The following TENM4 variants were observed in gnomAD, a reference collection of about 807,000 sequenced individuals.
TENM4 encodes the protein teneurin-4.
Under a neutral mutation model 243.3 loss-of-function variants are expected in TENM4, and 82 were observed. The ratio of observed to expected loss-of-function variants is 0.34; its 90% CI spans 0.28 to 0.40. TENM4 has a LOEUF of 0.40. Among genes scored for constraint, TENM4 ranks in the 10% least tolerant of loss-of-function variants. The pLI is 1.00. For missense variants in TENM4, 3,138 were observed against 3,673.3 expected, an observed-to-expected ratio of 0.85 and a Z score of 3.77; for synonymous variants, 1,412 against 1,456.3, an observed-to-expected ratio of 0.97 and a Z score of 0.69.
At chr11:78,944,567 T>C (rs1310801268) in intron 6 of TENM4, among the ~76,000 whole-genome samples, 1 of 152,236 alleles carries the variant, frequency 6.6e-6, no homozygotes, top group East Asian at 1.9e-4. Flanking sequence ...TTATCATCTA[T>C]TTGAAGATCT....
chr11:78,863,077 A>T lies in TENM4; in HGVS notation c.1140T>A (p.Tyr380Ter). 1 of 1,534,844 alleles carries T rather than the reference A, an allele frequency of 6.5e-7. No homozygotes were observed. Among genetic ancestry groups the T allele is most frequent in the Non-Finnish European group, 8.8e-7 (1 of 1,134,538 alleles). Residue 380 changes from tyrosine (Y) to a stop codon, truncating the protein, a stop_gained, in exon 10 of 34, where the codon TAT becomes TAA. Coordinates refer to ENST00000278550, the MANE Select transcript of TENM4 (RefSeq NM_001098816.3). LOFTEE classifies it high-confidence loss of function. ...WHLQPMEGQMYEITEDTASSW... is the reference protein window; with the variant it reads ...WHLQPMEGQM ...TGCTGGCTGTGTCCTCCGTGATCTC[A>T]TACATCTGCCCCTCCATCGGCTGCA...
intron 3 of TENM4, among the ~76,000 whole-genome samples, chr11:79,178,277 T>A (rs1424710114): frequency 6.6e-6 from 1 of 152,114 alleles, no homozygotes; most frequent in East Asian, 1.9e-4. Flanking sequence ...GAAGAGCTGT[T>A]GCCTGTTTAG....
intron 1 of TENM4, among the ~76,000 whole-genome samples, chr11:79,407,808 G>C (rs548717503): frequency 6.6e-6 from 1 of 152,302 alleles, no homozygotes; most frequent in South Asian, 2.1e-4. Flanking sequence ...GAATCACCTG[G>C]AGGGCTGGTT....
intron 1 of TENM4, among the ~76,000 whole-genome samples, chr11:79,396,706 A>G (rs1206239370): frequency 1.3e-5 from 2 of 152,220 alleles, no homozygotes; most frequent in Admixed American, 6.5e-5. Flanking sequence ...TGTATGACGC[A>G]TGCATGGTTC....
chr11:78,979,080 A>G (rs777101881), intron 6 of TENM4, among the ~76,000 whole-genome samples: 6 of 152,158 alleles, frequency 3.9e-5, no homozygotes, highest in Non-Finnish European at 7.3e-5. Context: ...CCAAATTCTC[A>G]GTGTCCAGTG....
At chr11:78,953,663 G>T (rs942840884) in intron 6 of TENM4, among the ~76,000 whole-genome samples, 1 of 152,160 alleles carries the variant, frequency 6.6e-6, no homozygotes, top group Non-Finnish European at 1.5e-5. Context: ...CATTCACATT[G>T]TTAAGTATTA....
At chr11:79,330,466 A>C (rs1188648132) in intron 1 of TENM4, among the ~76,000 whole-genome samples, 1 of 152,192 alleles carries the variant, frequency 6.6e-6, no homozygotes, top group Non-Finnish European at 1.5e-5. Flanking sequence ...AGTTGATCAC[A>C]GGCCTTAATC....
At chr11:78,989,421 C>G (rs1027113048) in intron 6 of TENM4, among the ~76,000 whole-genome samples, 1 of 152,180 alleles carries the variant, frequency 6.6e-6, no homozygotes, top group African/African-American at 2.4e-5. Context: ...CTGCTGTTTA[C>G]TTTTTGTTTA....
At chr11:79,189,322 GCCA>G (rs932348839) in intron 3 of TENM4, among the ~76,000 whole-genome samples, 1 of 152,096 alleles carries the variant, frequency 6.6e-6, no homozygotes, top group African/African-American at 2.4e-5. Context: ...GAGGCAGTTA[GCCA>G]CCATCTCTCT....
intron 30 of TENM4, among the ~76,000 whole-genome samples, chr11:78,675,889 TG>T (rs758078071): frequency 2.4e-4 from 37 of 152,216 alleles, no homozygotes; most frequent in Non-Finnish European, 5.3e-4. Flanking sequence ...CTAAGATTAC[TG>T]ATCTGTCCAA....
In TENM4 at chr11:78,676,254, C is replaced by T; in HGVS notation, c.5394G>A (p.Arg1798=). 1 of 1,611,850 alleles carries T rather than the reference C, an allele frequency of 6.2e-7. No individual in the cohort carries two copies. The highest frequency in any genetic ancestry group is 8.5e-7 in the Non-Finnish European group (1 of 1,178,438). ...AGTVNPTVGK[R]NVTLPIDNGL... ...CGTTGTCGATGGGCAGCGTGACATT[C>T]CTCTTGCCCACGGTGGGGTTGACGG... Residue 1798 remains arginine (R), a synonymous_variant, in exon 30 of 34, where the codon AGG becomes AGA. Transcript: ENST00000278550.
At chr11:78,833,517 G>C (rs1273000412) in intron 12 of TENM4, among the ~76,000 whole-genome samples, 1 of 152,196 alleles carries the variant, frequency 6.6e-6, no homozygotes, top group Non-Finnish European at 1.5e-5. Context: ...AACACACCAG[G>C]TCATTTATCT....
At position 79,324,615 on chromosome 11, in the gene TENM4, G is replaced by T. The variant is rs191280695; in HGVS notation, c.-320-27072C>A. On this transcript the variant is annotated intron_variant, in intron 1 of 33. Coordinates refer to ENST00000278550, the MANE Select transcript of TENM4 (RefSeq NM_001098816.3). ...ATGGATACAGATGGCCAACTGTATG[G>T]ATACGGATATAGATATAGATATAAT... 3.0e-3 allele frequency among the ~76,000 whole-genome samples: 460 copies of T among 152,122 alleles called. 4 individuals are homozygous for T. The highest frequency in any genetic ancestry group is 0.011 in the African/African-American group (442 of 41,498).
chr11:78,791,913 G>A (rs938503106), intron 15 of TENM4, among the ~76,000 whole-genome samples: 4 of 152,100 alleles, frequency 2.6e-5, no homozygotes, highest in African/African-American at 4.8e-5. Context: ...GGAGGGCTGG[G>A]GTCTGGGAGG....
At chr11:79,215,983 G>C in intron 2 of TENM4, 74 bp from the exon 3 acceptor site, 11 of 384,194 alleles carry the variant, frequency 2.9e-5, no homozygotes, top group Non-Finnish European at 3.6e-5. Flanking sequence ...CAGACCCTCC[G>C]CTCCAGCAGT....
intron 6 of TENM4, among the ~76,000 whole-genome samples, chr11:78,999,843 G>A (rs1434868041): frequency 6.6e-6 from 1 of 151,944 alleles, no homozygotes; most frequent in Admixed American, 6.6e-5. Flanking sequence ...GAGGTGCAGA[G>A]GAAATTATTT....
intron 3 of TENM4, among the ~76,000 whole-genome samples, chr11:79,170,862 G>A (rs144026965): frequency 3.6e-4 from 55 of 152,222 alleles, no homozygotes; most frequent in East Asian, 2.5e-3. Context: ...CTTTTTATGC[G>A]GGAGAGGATT....
At chr11:78,905,313 T>A (rs1856038092) in intron 6 of TENM4, among the ~76,000 whole-genome samples, 1 of 152,212 alleles carries the variant, frequency 6.6e-6, no homozygotes, top group Non-Finnish European at 1.5e-5. Flanking sequence ...TGGATTTTTT[T>A]AGTGTAAGAT....
At chr11:79,258,744 A>G (rs554430101) in intron 2 of TENM4, among the ~76,000 whole-genome samples, 10 of 152,334 alleles carry the variant, frequency 6.6e-5, no homozygotes, top group African/African-American at 2.4e-4. Context: ...TATTTCAACC[A>G]GGGAGGCTCA....
Sources: allele counts gnomAD v4.1 joint callset (sites outside exome capture counted in the v4.1 genomes callset), GRCh38; gene constraint gnomAD v4.1.1; transcripts MANE v1.5; gene names NCBI Gene and HGNC (gene_info 2026-07-23, HGNC 2026-07-21).